The following DCC variants were observed in gnomAD, a reference collection of about 807,000 sequenced individuals.
The protein encoded by DCC is DCC netrin 1 receptor.
Under a neutral mutation model 172.5 loss-of-function variants are expected in DCC, and 58 were observed. The ratio of observed to expected loss-of-function variants is 0.34; its 90% CI spans 0.27 to 0.42. The LOEUF (loss-of-function observed/expected upper bound fraction) is 0.42, where lower values mean the gene tolerates loss of function less well. Ranked by LOEUF, DCC falls within the 10% of genes least tolerant of loss-of-function variation. The pLI is 1.00. For synonymous variants in DCC, 709 were observed against 644.5 expected (o/e 1.10, Z -1.52); for missense variants, 1,740 against 1,791.0 (o/e 0.97, Z 0.51).
intron 22 of DCC, among the ~76,000 whole-genome samples, chr18:53,437,421 A>C (rs1486114975): frequency 6.6e-6 from 1 of 151,736 alleles, no homozygotes; most frequent in Non-Finnish European, 1.5e-5. Flanking sequence ...TCTACTAAAA[A>C]CACAAAAAAT....
rs1444814813 is a variant in DCC at position 52,936,444 on chromosome 18, G to A, written c.985+11074G>A. Among the ~76,000 whole-genome samples, 2 of 120,840 alleles carry A rather than the reference G, an allele frequency of 1.7e-5. 1 individual carries two copies. The highest frequency in any genetic ancestry group is 3.9e-5 in the Non-Finnish European group (2 of 51,112). 79.3% of individuals were successfully genotyped at this position (120,840 alleles called of 152,430 possible). ...TTATTTGAGAGTCTACTGTGTGCTG[G>A]GCCCTCCCTTTCCTTTCTCCCTTCC... On this transcript the variant is annotated intron_variant, in intron 5 of 28. Coordinates refer to ENST00000442544, the MANE Select transcript of DCC (RefSeq NM_005215.4).
At chr18:52,922,454 T>C (rs988676725) in intron 3 of DCC, among the ~76,000 whole-genome samples, 4 of 152,244 alleles carry the variant, frequency 2.6e-5, no homozygotes, top group South Asian at 4.1e-4. Context: ...TATGACCCGA[T>C]TGGGTCTGTC....
At chr18:52,613,855 A>G (rs1468933641) in intron 1 of DCC, among the ~76,000 whole-genome samples, 1 of 152,166 alleles carries the variant, frequency 6.6e-6, no homozygotes, top group African/African-American at 2.4e-5. Flanking sequence ...TGGTGGTGTT[A>G]TATCCAACAC....
At position 52,837,255 on chromosome 18, in the gene DCC, G is replaced by T. The variant is rs180783073; in HGVS notation, c.413-68789G>T. ...GCTCTGGAGACACTTTTCCCATTGT[G>T]TTGATGATTAACATTCAGCTCCTTG... On this transcript the variant is annotated intron_variant, in intron 2 of 28. Coordinates refer to ENST00000442544, the MANE Select transcript of DCC (RefSeq NM_005215.4). 5.3e-5 allele frequency among the ~76,000 whole-genome samples: 8 copies of T among 152,290 alleles called. No individual in the cohort carries two copies. The South Asian group carries it at 8.3e-4, about 16-fold the overall frequency.
chr18:52,936,586 G>T (rs1338205717), intron 5 of DCC, among the ~76,000 whole-genome samples: 1 of 59,662 alleles, frequency 1.7e-5, no homozygotes, highest in Non-Finnish European at 4.9e-5. Context: ...CAAAGTCTAT[G>T]TACTAATACA....
chr18:52,458,926 T>C (rs567440561), intron 1 of DCC, among the ~76,000 whole-genome samples: 1 of 152,328 alleles, frequency 6.6e-6, no homozygotes, highest in South Asian at 2.1e-4. Flanking sequence ...AATAATTATG[T>C]CGCTTGAGCC....
At chr18:53,337,438 T>A (rs9950970) in intron 14 of DCC, among the ~76,000 whole-genome samples, 1 of 152,090 alleles carries the variant, frequency 6.6e-6, no homozygotes, top group Non-Finnish European at 1.5e-5. Flanking sequence ...GGTTGAAAAC[T>A]ATTAATCCAT....
intron 12 of DCC, among the ~76,000 whole-genome samples, chr18:53,272,497 C>G (rs2056760514): frequency 2.0e-5 from 3 of 152,198 alleles, no homozygotes; most frequent in Admixed American, 2.0e-4. Flanking sequence ...CGTATTTCTG[C>G]TAGCTATCAT....
At chr18:52,567,940 T>G (rs1037536785) in intron 1 of DCC, among the ~76,000 whole-genome samples, 1 of 152,132 alleles carries the variant, frequency 6.6e-6, no homozygotes, top group Admixed American at 6.6e-5. Context: ...TTAATATGCA[T>G]GCACACACAC....
In DCC at chr18:53,056,113, C is replaced by T. The variant is rs554258589; in HGVS notation, c.986-7192C>T. On this transcript the variant is annotated intron_variant, in intron 5 of 28. Coordinates refer to ENST00000442544, the MANE Select transcript of DCC (RefSeq NM_005215.4). ...AAAGGTACTACCTGAGACTGAGTAA[C>T]TTATAAAGAAAAGAATGTTTAATTG... Among the ~76,000 whole-genome samples, 54 of 152,182 alleles carry T rather than the reference C, an allele frequency of 3.5e-4. 1 individual carries two copies. In the South Asian group the frequency reaches 0.011, roughly 31 times the overall value.
chr18:52,926,882 T>TAC (rs374414121), intron 5 of DCC, among the ~76,000 whole-genome samples: 1 of 144,186 alleles, frequency 6.9e-6, no homozygotes, highest in Admixed American at 6.9e-5. Context: ...TATACATATA[T>TAC]ACACACACAT....
Position 52,642,047 on chromosome 18 carries a change from CTGTGGTGTGTGTGTGTATATATATAT to C in DCC, c.92-110006_92-109981del, listed in dbSNP as rs1207613775. On this transcript the variant is annotated intron_variant, in intron 1 of 28. Coordinates refer to ENST00000442544, the MANE Select transcript of DCC (RefSeq NM_005215.4). ...ATATATATATATATATATATATATA[CTGTGGTGTGTGTGTGTATATATATAT>C]ATATATACACACACACACACACACT... Among the ~76,000 whole-genome samples the C allele has an allele frequency of 2.9e-3, 191 of 65,730 alleles. 8 individuals are homozygous for C. The highest frequency in any genetic ancestry group is 0.012 in the African/African-American group (134 of 11,606). 43.1% of individuals were successfully genotyped at this position (65,730 alleles called of 152,430 possible). A position where few individuals can be genotyped will look rare whatever the true frequency, so the allele number is the denominator to read the frequency against.
rs374260190 is a variant in DCC at position 52,459,403 on chromosome 18, A to G, written c.91+118525A>G. ...GTCTGTTGTTTCCCTCTTTGTGTCC[A>G]TATGTTCTCATCATTTAGCTCCCAT... is the stretch of plus-strand genomic sequence containing the variant. On this transcript the variant is annotated intron_variant, in intron 1 of 28. Coordinates refer to ENST00000442544, the MANE Select transcript of DCC (RefSeq NM_005215.4). Among the ~76,000 whole-genome samples, 28 of 152,048 alleles carry G rather than the reference A, an allele frequency of 1.8e-4. No individual in the cohort carries two copies. In the East Asian group the frequency reaches 4.3e-3, roughly 23 times the overall value.
intron 3 of DCC, among the ~76,000 whole-genome samples, chr18:52,923,155 A>T (rs770993376): frequency 6.6e-6 from 1 of 152,172 alleles, no homozygotes; most frequent in South Asian, 2.1e-4. Context: ...AAAATAAACC[A>T]ACTTCAGTTA....
rs114571134 is a variant in DCC, at chr18:53,160,952, C to G, written c.1418+3440C>G. On this transcript the variant is annotated intron_variant, in intron 8 of 28. Transcript: ENST00000442544. ...AAACTTTCACTTGTGCACAAGATCC[C>G]ATCTTTTCTTATAAAAGAGCAAATC... Among the ~76,000 whole-genome samples the G allele has an allele frequency of 3.5e-3, 534 of 152,254 alleles. 3 individuals carry two copies. Among genetic ancestry groups the G allele is most frequent in the African/African-American group, 0.012 (497 of 41,548 alleles).
intron 1 of DCC, among the ~76,000 whole-genome samples, chr18:52,598,322 T>C (rs1473576144): frequency 1.3e-5 from 2 of 152,188 alleles, no homozygotes; most frequent in Non-Finnish European, 2.9e-5. Flanking sequence ...TACATATTTT[T>C]CATTCAAGAC....
intron 12 of DCC, among the ~76,000 whole-genome samples, chr18:53,217,246 T>C (rs2055865410): frequency 6.8e-6 from 1 of 147,758 alleles, no homozygotes. Context: ...GATTGCAAAA[T>C]TGACTATATA....
intron 7 of DCC, among the ~76,000 whole-genome samples, chr18:53,119,823 T>C (rs555421045): frequency 6.6e-6 from 1 of 151,962 alleles, no homozygotes; most frequent in Admixed American, 6.6e-5. Context: ...TTCACCTCTT[T>C]ACACATTGTG....
intron 2 of DCC, among the ~76,000 whole-genome samples, chr18:52,880,256 C>G (rs1029877088): frequency 1.3e-5 from 2 of 152,054 alleles, no homozygotes; most frequent in Non-Finnish European, 2.9e-5. Context: ...TGTGTCTCAG[C>G]CTCTGGAGTA....
Sources: allele counts gnomAD v4.1 joint callset (sites outside exome capture counted in the v4.1 genomes callset), GRCh38; gene constraint gnomAD v4.1.1; transcripts MANE v1.5; gene names NCBI Gene and HGNC (gene_info 2026-07-23, HGNC 2026-07-21).